EYA2: variants seen among roughly 807,000 people sequenced by gnomAD.
The protein encoded by EYA2 is protein phosphatase EYA2.
Under a neutral mutation model 69.2 loss-of-function variants are expected in EYA2, and 31 were observed. The ratio of observed to expected loss-of-function variants is 0.45; its 90% confidence interval spans 0.34 to 0.60. The LOEUF is 0.60. Ranked by LOEUF, EYA2 falls within the 20% of genes least tolerant of loss-of-function variation. The pLI is 0.02. For missense variants in EYA2, 622 were observed against 701.2 expected (o/e 0.89, Z 1.28); for synonymous variants, 257 against 279.4 (o/e 0.92, Z 0.80).
intron 4 of EYA2, among the ~76,000 whole-genome samples, chr20:47,009,193 GCA>G (rs1237505479): frequency 6.6e-6 from 1 of 152,062 alleles, no homozygotes; most frequent in Admixed American, 6.6e-5. Context: ...ACGCGTGCAC[GCA>G]CACACACATA....
intron 5 of EYA2, among the ~76,000 whole-genome samples, chr20:47,055,575 C>T (rs1251232061): frequency 6.6e-6 from 1 of 152,204 alleles, no homozygotes; most frequent in African/African-American, 2.4e-5. Context: ...GACCTCCTCT[C>T]GCACACTTGC....
At chr20:47,125,013 G>A (rs928822803) in intron 9 of EYA2, among the ~76,000 whole-genome samples, 5 of 150,504 alleles carry the variant, frequency 3.3e-5, no homozygotes, top group African/African-American at 9.8e-5. Flanking sequence ...GTGATTCAGC[G>A]ATGATGGAAT....
At chr20:47,020,096 C>T (rs911095481) in intron 5 of EYA2, among the ~76,000 whole-genome samples, 1 of 152,044 alleles carries the variant, frequency 6.6e-6, no homozygotes, top group African/African-American at 2.4e-5. Context: ...GATCACCCCA[C>T]TGCACTCCAG....
chr20:46,919,589 C>G (rs1357456264), intron 1 of EYA2, among the ~76,000 whole-genome samples: 2 of 152,214 alleles, frequency 1.3e-5, no homozygotes, highest in East Asian at 3.8e-4. Flanking sequence ...CCTGGATTAG[C>G]CTTTGGTGTA....
At chr20:46,935,029 G>A (rs568841496) in intron 1 of EYA2, among the ~76,000 whole-genome samples, 1 of 152,342 alleles carries the variant, frequency 6.6e-6, no homozygotes, top group Middle Eastern at 3.4e-3. Context: ...GGTAGTGCTA[G>A]GAAGCAAGAC....
At chr20:47,184,273 AC>A (rs2034593194) in intron 15 of EYA2, among the ~76,000 whole-genome samples, 1 of 152,164 alleles carries the variant, frequency 6.6e-6, no homozygotes, top group African/African-American at 2.4e-5. Context: ...GGTCAGTCGC[AC>A]TGGTGTGTGG....
intron 2 of EYA2, among the ~76,000 whole-genome samples, chr20:46,994,593 G>A (rs1333331490): frequency 6.6e-6 from 1 of 152,078 alleles, no homozygotes; most frequent in Non-Finnish European, 1.5e-5. Flanking sequence ...CGGGGCTGAC[G>A]GGTTTTGATT....
chr20:47,023,024 C>T (rs1312164274), intron 5 of EYA2, among the ~76,000 whole-genome samples: 2 of 151,890 alleles, frequency 1.3e-5, no homozygotes, highest in Non-Finnish European at 2.9e-5. Context: ...CCCCTCCCTC[C>T]GATATATTCC....
At chr20:46,951,566 C>T (rs1978793185) in intron 1 of EYA2, among the ~76,000 whole-genome samples, 1 of 152,220 alleles carries the variant, frequency 6.6e-6, no homozygotes, top group Non-Finnish European at 1.5e-5. Context: ...GTTCCCACAA[C>T]AGCCCTGAAG....
At chr20:46,989,563 G>A (rs750838663) in intron 1 of EYA2, among the ~76,000 whole-genome samples, 10 of 152,092 alleles carry the variant, frequency 6.6e-5, no homozygotes, top group South Asian at 2.1e-4. Context: ...CACCACACCC[G>A]GCCTGTTTTT....
intron 1 of EYA2, among the ~76,000 whole-genome samples, chr20:46,965,418 C>T (rs62201229): frequency 0.051 from 7,780 of 152,300 alleles, 262 homozygotes; most frequent in South Asian, 0.087. Context: ...CCAGGCAGGC[C>T]GCCAGAGTCA....
At chr20:46,953,830 C>T (rs552201148) in intron 1 of EYA2, among the ~76,000 whole-genome samples, 4 of 152,122 alleles carry the variant, frequency 2.6e-5, no homozygotes, top group South Asian at 2.1e-4. Flanking sequence ...AGGCATAGAT[C>T]GCGTGAATAA....
At chr20:47,054,722 G>A (rs375991950) in intron 5 of EYA2, among the ~76,000 whole-genome samples, 23 of 152,226 alleles carry the variant, frequency 1.5e-4, no homozygotes, top group East Asian at 1.4e-3. Flanking sequence ...GTGTGACTCC[G>A]GGACTCACTT....
Position 47,169,125 on chromosome 20 carries a change from C to T in EYA2, c.979-14C>T. The stretch of plus-strand genomic sequence containing the variant: ...GTTCTCTCTCTCTCTCTCTCTCTGT[C>T]AAATTTTCCATAGGATTGTGACCAG... On this transcript the variant is annotated splice_polypyrimidine_tract_variant and intron_variant, in intron 10 of 15. Transcript: ENST00000327619. 1 of 1,612,004 alleles carries T rather than the reference C, an allele frequency of 6.2e-7. No individual in the cohort carries two copies. The highest frequency in any genetic ancestry group is 8.5e-7 in the Non-Finnish European group (1 of 1,178,754).
chr20:47,058,476 C>T (rs1349895985), intron 5 of EYA2, among the ~76,000 whole-genome samples: 1 of 152,170 alleles, frequency 6.6e-6, no homozygotes, highest in Non-Finnish European at 1.5e-5. Context: ...TTTATGGCAG[C>T]CTTGCTGGTG....
At chr20:46,985,605 T>C (rs1052533104) in intron 1 of EYA2, among the ~76,000 whole-genome samples, 2 of 152,148 alleles carry the variant, frequency 1.3e-5, no homozygotes, top group African/African-American at 4.8e-5. Flanking sequence ...TGCAAATGCC[T>C]ATAGGGACCA....
rs138354917 is a variant in EYA2 at position 47,142,304 on chromosome 20, T to C, written c.889-755T>C. Among the ~76,000 whole-genome samples the C allele has an allele frequency of 4.1e-3, 620 of 152,362 alleles. 20 individuals are homozygous for C. In the East Asian group the frequency reaches 0.074, roughly 18 times the overall value. ...CTCAGGGAGGGACCCCAAATATGGGTGAACAGCAGTACAGTCTACCACACT... is the reference window on the plus strand; with the variant it reads ...CTCAGGGAGGGACCCCAAATATGGGCGAACAGCAGTACAGTCTACCACACT... On this transcript the variant is annotated intron_variant, in intron 9 of 15. Transcript: ENST00000327619.
intron 10 of EYA2, among the ~76,000 whole-genome samples, chr20:47,151,158 G>T (rs978487504): frequency 5.3e-5 from 8 of 151,946 alleles, no homozygotes; most frequent in African/African-American, 1.7e-4. Flanking sequence ...ATCACTTGAG[G>T]TCAGGAGTTC....
intron 5 of EYA2, among the ~76,000 whole-genome samples, chr20:47,047,447 C>T (rs955364812): frequency 2.7e-5 from 4 of 150,282 alleles, no homozygotes; most frequent in African/African-American, 7.4e-5. Context: ...AGTGCAGTGG[C>T]GCGATCTCAG....
Sources: gnomAD v4.1 joint callset for allele counts (sites outside exome capture counted in the v4.1 genomes callset) on GRCh38, gnomAD v4.1.1 for gene constraint, MANE v1.5 for transcripts, NCBI Gene and HGNC (gene_info 2026-07-23, HGNC 2026-07-21) for gene names.